IRAK1BP1: variants seen among roughly 807,000 people sequenced by gnomAD.
IRAK1BP1 encodes the protein interleukin-1 receptor-associated kinase 1-binding protein 1.
Under a neutral mutation model 28.0 loss-of-function variants are expected in IRAK1BP1, and 24 were observed. The ratio of observed to expected loss-of-function variants is 0.86; its 90% CI spans 0.62 to 1.20. The LOEUF (loss-of-function observed/expected upper bound fraction) is 1.20. Among genes scored for constraint, IRAK1BP1 ranks in the 50% most tolerant of loss-of-function variants. The pLI is 0.00. For missense variants in IRAK1BP1, 336 were observed against 316.7 expected, an observed-to-expected ratio of 1.06 and a Z score of -0.46; for synonymous variants, 131 against 116.3, an observed-to-expected ratio of 1.13 and a Z score of -0.81.
At chr6:78,924,767 T>C (rs1022886383) in intron 4 of IRAK1BP1, among the ~76,000 whole-genome samples, 1 of 152,160 alleles carries the variant, frequency 6.6e-6, no homozygotes, top group Non-Finnish European at 1.5e-5. Flanking sequence ...GTTCAATATA[T>C]GCAAATCAAC....
At chr6:78,971,950 G>A in the IRAK1BP1 span, among the ~76,000 whole-genome samples, 1 of 152,168 alleles carries the variant, frequency 6.6e-6, no homozygotes, top group Non-Finnish European at 1.5e-5. Context: ...GAGGCTGGGG[G>A]AGGGGCGCCC....
chr6:78,936,970 C>A (rs1773294082), intron 4 of IRAK1BP1: 2 of 151,762 alleles, frequency 1.3e-5, no homozygotes, highest in Non-Finnish European at 3.0e-5. Context: ...AAAATAAATT[C>A]TTGCCTAAGT....
chr6:78,885,922 A>T (rs1261715506), intron 2 of IRAK1BP1, among the ~76,000 whole-genome samples: 1 of 152,206 alleles, frequency 6.6e-6, no homozygotes, highest in Non-Finnish European at 1.5e-5. Flanking sequence ...TAATGACAAC[A>T]TTTAGTTCCT....
downstream of IRAK1BP1, chr6:78,946,877 G>C (rs1367700810): frequency 6.5e-7 from 1 of 1,538,828 alleles, no homozygotes; most frequent in African/African-American, 1.4e-5. Context: ...CTGTAAATCT[G>C]TGAGGGAAAA....
intron 4 of IRAK1BP1, among the ~76,000 whole-genome samples, chr6:78,912,152 C>T (rs1342222219): frequency 1.3e-5 from 2 of 152,042 alleles, no homozygotes; most frequent in Admixed American, 1.3e-4. Context: ...TTTTCTGGGA[C>T]AACTTCCCAG....
Position 78,867,828 on chromosome 6 carries a change from C to G in IRAK1BP1, c.252C>G (p.Ala84=). ...VSSTKEAAAE[A]KKSVCRRLDY... ...GCACCAAGGAGGCGGCAGCCGAGGC[C>G]AAAAAGAGCGTTTGTCGCCGTCTAG... The change falls in exon 1 of 4, where the codon GCC becomes GCG. Residue 84 remains alanine (A), a synonymous_variant. Coordinates refer to ENST00000369940, the MANE Select transcript of IRAK1BP1 (RefSeq NM_001010844.4). 6.2e-7 allele frequency: 1 copy of G among 1,612,030 alleles called. No homozygotes were observed. Among genetic ancestry groups the G allele is most frequent in the Non-Finnish European group, 8.5e-7 (1 of 1,179,042 alleles).
At chr6:78,933,400 G>A (rs919634495) in intron 4 of IRAK1BP1, among the ~76,000 whole-genome samples, 2 of 152,052 alleles carry the variant, frequency 1.3e-5, no homozygotes, top group Non-Finnish European at 2.9e-5. Context: ...GGCGGATCAC[G>A]AGGTCAGGAG....
chr6:78,922,606 C>T (rs1203714843), intron 4 of IRAK1BP1, among the ~76,000 whole-genome samples: 1 of 152,050 alleles, frequency 6.6e-6, no homozygotes, highest in Non-Finnish European at 1.5e-5. Context: ...AGAGCAACTC[C>T]AAGACACATA....
rs1408049591 is a variant in IRAK1BP1, at chr6:78,902,178, T to A, written c.*3844T>A. On this transcript the variant is annotated 3_prime_UTR_variant, in exon 4 of 4. Coordinates refer to ENST00000369940, the MANE Select transcript of IRAK1BP1 (RefSeq NM_001010844.4). ...GTCGTTGTTTGAGGCTGTTGCTCTGTCACCCAGGATGGAGTGCAAGTAGCT... is the reference window on the plus strand; with the variant it reads ...GTCGTTGTTTGAGGCTGTTGCTCTGACACCCAGGATGGAGTGCAAGTAGCT... The A allele has an allele frequency of 6.6e-6, 1 of 152,242 alleles. No homozygotes were observed. Among genetic ancestry groups the A allele is most frequent in the Non-Finnish European group, 1.5e-5 (1 of 68,046 alleles). The allele number at this position is 152,242 out of a possible 1,614,324, so 9.4% of individuals were successfully genotyped here. A position where few individuals can be genotyped will look rare whatever the true frequency, so the allele number is the denominator to read the frequency against.
intron 1 of IRAK1BP1, among the ~76,000 whole-genome samples, chr6:78,883,033 G>T (rs1771286042): frequency 6.6e-6 from 1 of 152,086 alleles, no homozygotes; most frequent in Admixed American, 6.6e-5. Context: ...AAGGTGGAAG[G>T]ATCACTTGAG....
the IRAK1BP1 span, among the ~76,000 whole-genome samples, chr6:78,966,890 T>A: frequency 6.6e-6 from 1 of 152,244 alleles, no homozygotes; most frequent in Non-Finnish European, 1.5e-5. Flanking sequence ...AAATAACGTA[T>A]CTGTATAACT....
In IRAK1BP1 at chr6:78,867,670, G is replaced by T. The variant is rs1391878994; in HGVS notation, c.94G>T (p.Glu32Ter). Residue 32 changes from glutamate to a stop codon, truncating the protein, a stop_gained, in exon 1 of 4, where the codon GAG becomes TAG. Transcript: ENST00000369940. LOFTEE classifies it high-confidence loss of function. ...SRENNLASGR[E>*]TLPGLRHPLS... is the part of the protein sequence containing the mutation. ...GGAGAACAACCTGGCCTCAGGGAGAGAGACGCTACCGGGCTTACGCCACCC... is the reference window on the plus strand; with the variant it reads ...GGAGAACAACCTGGCCTCAGGGAGATAGACGCTACCGGGCTTACGCCACCC... The T allele has an allele frequency of 1.2e-6, 2 of 1,614,128 alleles. No homozygotes were observed. The highest frequency in any genetic ancestry group is 2.2e-5 in the South Asian group (2 of 91,090).
At chr6:78,971,940 G>C in the IRAK1BP1 span, among the ~76,000 whole-genome samples, 11 of 151,402 alleles carry the variant, frequency 7.3e-5, no homozygotes, top group South Asian at 6.3e-4. Flanking sequence ...AGGCGGCAGC[G>C]AGGCTGGGGG....
In IRAK1BP1 at chr6:78,885,450, A is replaced by ACTTAC. The variant is rs4055605; in HGVS notation, c.381+11_381+12insCCTTA. 21 of 1,385,952 alleles carry ACTTAC rather than the reference A, an allele frequency of 1.5e-5. No individual in the cohort carries two copies. Among genetic ancestry groups the ACTTAC allele is most frequent in the Non-Finnish European group, 2.1e-5 (21 of 995,080 alleles). 85.9% of individuals were successfully genotyped at this position (1,385,952 alleles called of 1,614,324 possible). On this transcript the variant is annotated splice_region_variant and intron_variant, in intron 2 of 3. Transcript: ENST00000369940. ...TTATCACATGGAAGCAGAGGTATGT[A>ACTTAC]CTTAACAAATAATTGGAAGCAGCAT...
intron 2 of IRAK1BP1, among the ~76,000 whole-genome samples, chr6:78,887,764 G>T (rs939222341): frequency 1.2e-4 from 18 of 144,186 alleles, no homozygotes; most frequent in Non-Finnish European, 1.5e-5. Flanking sequence ...GGGAATGTAT[G>T]ATGATGTAAC....
In IRAK1BP1 at chr6:78,902,116, A is replaced by G. The variant is rs1772124557; in HGVS notation, c.*3782A>G. The G allele has an allele frequency of 6.6e-6, 1 of 152,206 alleles. No individual in the cohort carries two copies. The highest frequency in any genetic ancestry group is 6.5e-5 in the Admixed American group (1 of 15,280). 9.4% of individuals were successfully genotyped at this position (152,206 alleles called of 1,614,324 possible). On this transcript the variant is annotated 3_prime_UTR_variant, in exon 4 of 4. Transcript: ENST00000369940. ...AACATTTAGACATTTACTATTACAT[A>G]TATGGTATTTGCAACCAAATCACTG...
At chr6:78,926,962 G>A (rs1377501244) in intron 4 of IRAK1BP1, among the ~76,000 whole-genome samples, 1 of 152,010 alleles carries the variant, frequency 6.6e-6, no homozygotes, top group African/African-American at 2.4e-5. Context: ...GGACACTTAG[G>A]TTCCTTCCAA....
the IRAK1BP1 span, chr6:78,963,259 T>C: frequency 6.9e-6 from 11 of 1,595,518 alleles, no homozygotes; most frequent in Middle Eastern, 5.0e-4. Flanking sequence ...ACAGCTGAAA[T>C]AGAAAAGCAG....
chr6:78,900,666 G>C lies in IRAK1BP1; in HGVS notation c.*2332G>C, dbSNP rs1291983911. 6.6e-6 allele frequency: 1 copy of C among 152,176 alleles called. No homozygotes were observed. The highest frequency in any genetic ancestry group is 6.5e-5 in the Admixed American group (1 of 15,272). 9.4% of individuals were successfully genotyped at this position (152,176 alleles called of 1,614,324 possible). The stretch of plus-strand genomic sequence containing the variant: ...AAGTATGCTCTCAAATATTTGCTGG[G>C]AAAATTTACTAGCTGGATAAAAGGC... On this transcript the variant is annotated 3_prime_UTR_variant, in exon 4 of 4. Coordinates refer to ENST00000369940, the MANE Select transcript of IRAK1BP1 (RefSeq NM_001010844.4).
Sources: gnomAD v4.1 joint callset for allele counts (sites outside exome capture counted in the v4.1 genomes callset) on GRCh38, gnomAD v4.1.1 for gene constraint, MANE v1.5 for transcripts, NCBI Gene and HGNC (gene_info 2026-07-23, HGNC 2026-07-21) for gene names.